Variants in DGKB observed in about 807,000 individuals in gnomAD.
DGKB encodes the protein diacylglycerol kinase beta, also known as 90 kDa diacylglycerol kinase.
A neutral mutation model predicts 114.3 loss-of-function variants in DGKB; 67 were observed. The ratio of observed to expected loss-of-function variants is 0.59; its 90% CI spans 0.48 to 0.72. DGKB has a LOEUF of 0.72. DGKB is among the 30% of genes least tolerant of loss of function. The probability of loss-of-function intolerance (pLI) is 0.00; values close to 1 mark genes in which losing one functional copy is unlikely to be tolerated. For synonymous variants in DGKB, 398 were observed against 323.1 expected, an observed-to-expected ratio of 1.23 and a Z score of -2.49; for missense variants, 907 against 975.2, an observed-to-expected ratio of 0.93 and a Z score of 0.93.
At chr7:14,480,940 A>T (rs545534636) in intron 20 of DGKB, among the ~76,000 whole-genome samples, 1 of 152,050 alleles carries the variant, frequency 6.6e-6, no homozygotes, top group African/African-American at 2.4e-5. Context: ...GTTAAATGAC[A>T]TATTTTTGAA....
At chr7:14,836,829 T>A (rs939536626) in intron 2 of DGKB, among the ~76,000 whole-genome samples, 6 of 152,200 alleles carry the variant, frequency 3.9e-5, no homozygotes, top group Non-Finnish European at 8.8e-5. Flanking sequence ...GAGCGGAGGC[T>A]GCCAATTACA....
intron 1 of DGKB, among the ~76,000 whole-genome samples, chr7:14,862,708 A>AAGC (rs1177143961): frequency 6.6e-6 from 1 of 152,160 alleles, no homozygotes; most frequent in Admixed American, 6.5e-5. Flanking sequence ...TTAAAAGTAC[A>AAGC]GAATTCAAAG....
intron 21 of DGKB, among the ~76,000 whole-genome samples, chr7:14,399,978 G>C (rs931916270): frequency 6.6e-6 from 1 of 151,714 alleles, no homozygotes; most frequent in African/African-American, 2.4e-5. Context: ...AAATTTTGAC[G>C]ATAAGAATAT....
At chr7:14,514,862 T>A (rs1248537910) in intron 20 of DGKB, among the ~76,000 whole-genome samples, 1 of 151,998 alleles carries the variant, frequency 6.6e-6, no homozygotes, top group Non-Finnish European at 1.5e-5. Context: ...AAGATCAGCC[T>A]GAGCAACATA....
chr7:14,924,383 G>A (rs1587391289), intron 1 of DGKB, among the ~76,000 whole-genome samples: 1 of 152,016 alleles, frequency 6.6e-6, no homozygotes, highest in Admixed American at 6.6e-5. Context: ...TCTCTTTTTA[G>A]TTTATGGAGT....
intron 23 of DGKB, among the ~76,000 whole-genome samples, chr7:14,332,438 T>G (rs984574083): frequency 2.0e-5 from 3 of 152,224 alleles, no homozygotes; most frequent in Non-Finnish European, 4.4e-5. Flanking sequence ...CATGGGGCTA[T>G]GCAAACACTA....
intron 1 of DGKB, among the ~76,000 whole-genome samples, chr7:14,916,057 A>G (rs1271883937): frequency 2.6e-5 from 4 of 152,080 alleles, no homozygotes; most frequent in African/African-American, 9.7e-5. Flanking sequence ...TATGGAATAA[A>G]AGCGAAAAAG....
intron 5 of DGKB, among the ~76,000 whole-genome samples, chr7:14,723,671 G>A (rs369037543): frequency 8.6e-5 from 13 of 151,878 alleles, no homozygotes; most frequent in East Asian, 7.7e-4. Context: ...TAATTAGAGC[G>A]TATTAGTCTT....
At chr7:14,570,949 T>G (rs1054068862) in intron 20 of DGKB, among the ~76,000 whole-genome samples, 4 of 152,216 alleles carry the variant, frequency 2.6e-5, no homozygotes, top group African/African-American at 7.2e-5. Context: ...TTGAGCTGTA[T>G]AGCTGTATAA....
chr7:14,761,625 C>G (rs920065651), intron 2 of DGKB, among the ~76,000 whole-genome samples: 2 of 152,252 alleles, frequency 1.3e-5, no homozygotes, highest in Admixed American at 1.3e-4. Flanking sequence ...CCTGGATGAA[C>G]AGATAGTAAG....
chr7:14,576,152 A>G (rs998245002), intron 19 of DGKB, among the ~76,000 whole-genome samples: 7 of 152,310 alleles, frequency 4.6e-5, no homozygotes, highest in Non-Finnish European at 8.8e-5. Flanking sequence ...TGGTATGGCC[A>G]TAGACTAAAT....
At chr7:14,865,428 C>G (rs1055524478) in intron 1 of DGKB, among the ~76,000 whole-genome samples, 2 of 152,188 alleles carry the variant, frequency 1.3e-5, no homozygotes, top group Non-Finnish European at 1.5e-5. Context: ...ATTTATAATT[C>G]TAGCTCCTCA....
At chr7:14,157,836 G>A (rs1459392464) in intron 25 of DGKB, among the ~76,000 whole-genome samples, 2 of 152,096 alleles carry the variant, frequency 1.3e-5, no homozygotes, top group Non-Finnish European at 2.9e-5. Flanking sequence ...TGGTCACATG[G>A]AAAATAGAAG....
chr7:14,153,716 G>A (rs1177328065), intron 25 of DGKB, among the ~76,000 whole-genome samples: 7 of 151,740 alleles, frequency 4.6e-5, no homozygotes, highest in African/African-American at 1.7e-4. Context: ...AAATTTCAAA[G>A]TGAAGGGATA....
At chr7:14,813,758 TTTACTC>T (rs1336289176) in intron 2 of DGKB, among the ~76,000 whole-genome samples, 1 of 152,194 alleles carries the variant, frequency 6.6e-6, no homozygotes, top group Non-Finnish European at 1.5e-5. Context: ...CATTGAATCT[TTTACTC>T]TAGTGATTTT....
intron 20 of DGKB, among the ~76,000 whole-genome samples, chr7:14,478,653 G>C (rs7794969): frequency 0.45 from 68,701 of 151,792 alleles, 16,518 homozygotes; most frequent in East Asian, 0.84. Context: ...CTAATTATTT[G>C]AGATAATTAT....
intron 1 of DGKB, among the ~76,000 whole-genome samples, chr7:14,930,711 T>C (rs1478739479): frequency 1.3e-5 from 2 of 152,190 alleles, no homozygotes; most frequent in African/African-American, 4.8e-5. Flanking sequence ...TTCTCTTGCC[T>C]AATTGTTCTG....
chr7:14,601,082 C>T (rs1803460555), intron 17 of DGKB, among the ~76,000 whole-genome samples: 1 of 152,196 alleles, frequency 6.6e-6, no homozygotes, highest in Non-Finnish European at 1.5e-5. Flanking sequence ...GTAGGCATGC[C>T]TTCACAGCTT....
At chr7:14,579,441 A>G (rs1369612968) in intron 19 of DGKB, among the ~76,000 whole-genome samples, 1 of 152,222 alleles carries the variant, frequency 6.6e-6, no homozygotes, top group African/African-American at 2.4e-5. Context: ...GGAAGCAAAA[A>G]TAAAATTATT....
Sources: allele counts gnomAD v4.1 joint callset (sites outside exome capture counted in the v4.1 genomes callset), GRCh38; gene constraint gnomAD v4.1.1; transcripts MANE v1.5; gene names NCBI Gene and HGNC (gene_info 2026-07-23, HGNC 2026-07-21).